Variants in GALNT17 observed in about 807,000 individuals in gnomAD.
The protein encoded by GALNT17 is polypeptide N-acetylgalactosaminyltransferase 17, also known as UDP-GalNAc:polypeptide N-acetylgalactosaminyltransferase-like 3.
Under a neutral mutation model 63.7 loss-of-function variants are expected in GALNT17, and 29 were observed. The observed-to-expected ratio is 0.46, with a 90% confidence interval of 0.34 to 0.62. GALNT17 has a LOEUF of 0.62. Among genes scored for constraint, GALNT17 ranks in the 20% least tolerant of loss-of-function variants. The probability of loss-of-function intolerance (pLI) is 0.01; values close to 1 mark genes in which losing one functional copy is unlikely to be tolerated. For missense variants in GALNT17, 603 were observed against 799.6 expected (o/e 0.75, Z 2.97); for synonymous variants, 305 against 318.3 (o/e 0.96, Z 0.45).
chr7:71,197,192 C>CTTTTTTTTTT (rs34276195), intron 1 of GALNT17, among the ~76,000 whole-genome samples: 12 of 69,806 alleles, frequency 1.7e-4, no homozygotes, highest in Admixed American at 4.0e-4. Flanking sequence ...CCCTGTTGTG[C>CTTTTTTTTTT]TTTTTTTTTT....
chr7:71,534,869 GT>G (rs1788779358), intron 5 of GALNT17, among the ~76,000 whole-genome samples: 1 of 152,142 alleles, frequency 6.6e-6, no homozygotes, highest in Admixed American at 6.5e-5. Flanking sequence ...CAGGCATGTT[GT>G]AAGTGCTACC....
chr7:71,651,093 G>A lies in GALNT17; in HGVS notation c.1081-14318G>A, dbSNP rs114056091. Among the ~76,000 whole-genome samples, 459 of 152,056 alleles carry A rather than the reference G, an allele frequency of 3.0e-3. 4 individuals are homozygous for A. Among genetic ancestry groups the A allele is most frequent in the African/African-American group, 0.011 (449 of 41,480 alleles). ...CTTAGTTGAAGCTGTTGTAGAGAGA[G>A]GACTAATGGACCAGTGTTTGAACTG... On this transcript the variant is annotated intron_variant, in intron 6 of 10. Transcript: ENST00000333538.
intron 1 of GALNT17, among the ~76,000 whole-genome samples, chr7:71,165,675 T>A (rs528856390): frequency 6.6e-6 from 1 of 152,370 alleles, no homozygotes; most frequent in Non-Finnish European, 1.5e-5. Context: ...AGCCAAACCA[T>A]GTCAAGATAC....
At chr7:71,710,378 C>T (rs981951154) in intron 9 of GALNT17, among the ~76,000 whole-genome samples, 3 of 152,058 alleles carry the variant, frequency 2.0e-5, no homozygotes, top group African/African-American at 4.8e-5. Flanking sequence ...TGTGGTGGTG[C>T]GCGCCTGTAA....
chr7:71,419,260 A>C (rs1481931814), intron 4 of GALNT17, among the ~76,000 whole-genome samples: 1 of 152,178 alleles, frequency 6.6e-6, no homozygotes, highest in Non-Finnish European at 1.5e-5. Context: ...CATGAACCAG[A>C]CCAGCTAGGT....
chr7:71,616,135 G>C (rs1427518126), intron 6 of GALNT17, among the ~76,000 whole-genome samples: 3 of 152,114 alleles, frequency 2.0e-5, no homozygotes, highest in Non-Finnish European at 4.4e-5. Flanking sequence ...TCAGAGAGTG[G>C]GGCTTTGTCA....
intron 1 of GALNT17, among the ~76,000 whole-genome samples, chr7:71,215,718 C>T (rs547495757): frequency 6.5e-4 from 99 of 152,222 alleles, no homozygotes; most frequent in Admixed American, 1.1e-3. Flanking sequence ...GATGTTTCCT[C>T]ATGGAATTTA....
intron 1 of GALNT17, among the ~76,000 whole-genome samples, chr7:71,146,868 A>G (rs1246042537): frequency 1.3e-5 from 2 of 152,184 alleles, no homozygotes; most frequent in Non-Finnish European, 2.9e-5. Context: ...TTCAGACACC[A>G]ACACACGAGC....
intron 1 of GALNT17, among the ~76,000 whole-genome samples, chr7:71,332,567 A>G (rs1791824855): frequency 6.6e-6 from 1 of 152,128 alleles, no homozygotes; most frequent in Admixed American, 6.5e-5. Flanking sequence ...GAGTGTTTTT[A>G]GGTATCTTGC....
chr7:71,151,085 G>T (rs1347242227), intron 1 of GALNT17, among the ~76,000 whole-genome samples: 14 of 151,870 alleles, frequency 9.2e-5, no homozygotes, highest in Admixed American at 7.9e-4. Flanking sequence ...GGACCATTGT[G>T]TTCAGCCATT....
chr7:71,563,498 G>T (rs1789289943), intron 5 of GALNT17, among the ~76,000 whole-genome samples: 1 of 152,238 alleles, frequency 6.6e-6, no homozygotes, highest in South Asian at 2.1e-4. Context: ...TATCAGTCCA[G>T]GCAGGTAGCT....
intron 6 of GALNT17, among the ~76,000 whole-genome samples, chr7:71,641,024 G>C (rs1200049465): frequency 6.6e-6 from 1 of 152,070 alleles, no homozygotes; most frequent in African/African-American, 2.4e-5. Context: ...TGCTATATCA[G>C]AACCTCAAGG....
intron 1 of GALNT17, among the ~76,000 whole-genome samples, chr7:71,306,648 TGAA>T (rs1791304320): frequency 6.6e-6 from 1 of 152,188 alleles, no homozygotes; most frequent in Admixed American, 6.5e-5. Flanking sequence ...TTTTTGCCAT[TGAA>T]AGTAATGGCA....
chr7:71,132,793 G>C lies in GALNT17; in HGVS notation c.-10G>C, dbSNP rs1196121959. 1 of 1,588,862 alleles carries C rather than the reference G, an allele frequency of 6.3e-7. No individual in the cohort carries two copies. The highest frequency in any genetic ancestry group is 1.7e-5 in the Admixed American group (1 of 57,648). Reference sequence around the variant, plus strand: ...CGCAGGTCCGGGGCGAGGGCCGGCCGGGCTGTTTGATGGCTTCACTGAGAA... The same window carrying C: ...CGCAGGTCCGGGGCGAGGGCCGGCCCGGCTGTTTGATGGCTTCACTGAGAA... On this transcript the variant is annotated 5_prime_UTR_variant, in exon 1 of 11. Coordinates refer to ENST00000333538, the MANE Select transcript of GALNT17 (RefSeq NM_022479.3).
chr7:71,651,684 G>A (rs957841777), intron 6 of GALNT17, among the ~76,000 whole-genome samples: 1 of 152,158 alleles, frequency 6.6e-6, no homozygotes, highest in Non-Finnish European at 1.5e-5. Flanking sequence ...ATAAGACTGG[G>A]ATGGATTTTG....
intron 1 of GALNT17, among the ~76,000 whole-genome samples, chr7:71,289,941 A>G (rs970207705): frequency 3.3e-5 from 5 of 151,634 alleles, no homozygotes; most frequent in Non-Finnish European, 5.9e-5. Flanking sequence ...GCTATTCGGG[A>G]GGCTGAGGCA....
chr7:71,517,421 A>G (rs1341286786), intron 5 of GALNT17, among the ~76,000 whole-genome samples: 1 of 152,218 alleles, frequency 6.6e-6, no homozygotes, highest in Non-Finnish European at 1.5e-5. Flanking sequence ...GGAATTTTGG[A>G]GCACACAAAC....
intron 1 of GALNT17, among the ~76,000 whole-genome samples, chr7:71,323,321 C>T (rs918044899): frequency 2.0e-5 from 3 of 152,268 alleles, no homozygotes; most frequent in African/African-American, 4.8e-5. Context: ...TAAGCTGGGT[C>T]GCCATCACTC....
rs1261480916 is a variant in GALNT17 at position 71,499,158 on chromosome 7, A to G, written c.963-72127A>G. Among the ~76,000 whole-genome samples the G allele has an allele frequency of 5.3e-5, 8 of 152,128 alleles. 1 individual carries two copies. In the East Asian group the frequency reaches 1.5e-3, roughly 29 times the overall value. Reference sequence around the variant, plus strand: ...TCCAAGTTAACTGCTATTTAATTGAATGGCATTTCATTCTCAGACCGTCAT... The same window carrying G: ...TCCAAGTTAACTGCTATTTAATTGAGTGGCATTTCATTCTCAGACCGTCAT... On this transcript the variant is annotated intron_variant, in intron 5 of 10. Transcript: ENST00000333538.
Sources: allele counts gnomAD v4.1 joint callset (sites outside exome capture counted in the v4.1 genomes callset), GRCh38; gene constraint gnomAD v4.1.1; transcripts MANE v1.5; gene names NCBI Gene and HGNC (gene_info 2026-07-23, HGNC 2026-07-21).